RUNDC3B: variants seen among roughly 807,000 people sequenced by gnomAD.
The protein encoded by RUNDC3B is RUN domain containing 3B, also known as RUN domain-containing protein 3B.
A neutral mutation model predicts 58.4 loss-of-function variants in RUNDC3B; 33 were observed. The ratio of observed to expected loss-of-function variants is 0.56; its 90% CI spans 0.43 to 0.75. The LOEUF is 0.75. Ranked by LOEUF, RUNDC3B falls within the 30% of genes least tolerant of loss-of-function variation. The probability of loss-of-function intolerance (pLI) is 0.00; values close to 1 mark genes in which losing one functional copy is unlikely to be tolerated. For synonymous variants in RUNDC3B, 193 were observed against 195.2 expected, an observed-to-expected ratio of 0.99 and a Z score of 0.10; for missense variants, 501 against 535.7, an observed-to-expected ratio of 0.94 and a Z score of 0.64.
intron 10 of RUNDC3B, among the ~76,000 whole-genome samples, chr7:87,825,218 CA>C (rs201833466): frequency 6.7e-6 from 1 of 148,630 alleles, no homozygotes; most frequent in East Asian, 2.0e-4. Flanking sequence ...GACTCCATCT[CA>C]AAAAAAAAGA....
At chr7:87,629,997 T>A (rs1353983201) in intron 1 of RUNDC3B, among the ~76,000 whole-genome samples, 1 of 152,176 alleles carries the variant, frequency 6.6e-6, no homozygotes, top group East Asian at 1.9e-4. Context: ...TGATATATTT[T>A]CTTTAAGTCT....
intron 3 of RUNDC3B, among the ~76,000 whole-genome samples, chr7:87,702,142 CAAAAAA>C (rs146127516): frequency 1.0e-3 from 17 of 16,768 alleles, no homozygotes; most frequent in Admixed American, 2.1e-3. Context: ...GACTCTGTCT[CAAAAAA>C]AAAAAAAAAA....
intron 6 of RUNDC3B, among the ~76,000 whole-genome samples, chr7:87,767,901 C>T (rs1410820065): frequency 1.3e-5 from 2 of 152,120 alleles, no homozygotes; most frequent in Admixed American, 6.5e-5. Flanking sequence ...CTCTAGGCCA[C>T]AATGCAACTG....
At chr7:87,809,246 A>G (rs1196250165) in intron 9 of RUNDC3B, among the ~76,000 whole-genome samples, 1 of 152,092 alleles carries the variant, frequency 6.6e-6, no homozygotes, top group Non-Finnish European at 1.5e-5. Context: ...TATTCCACCA[A>G]CTTAAGAAGG....
At chr7:87,752,871 T>C (rs1248383550) in intron 6 of RUNDC3B, among the ~76,000 whole-genome samples, 18 of 151,514 alleles carry the variant, frequency 1.2e-4, no homozygotes, top group Admixed American at 1.1e-3. Context: ...GTGTCTCTAT[T>C]TCCTTCAGTT....
chr7:87,799,527 G>A (rs1836006823), intron 8 of RUNDC3B, among the ~76,000 whole-genome samples: 1 of 151,986 alleles, frequency 6.6e-6, no homozygotes, highest in South Asian at 2.1e-4. Context: ...GATTTTCTCA[G>A]TGTGCCGTGT....
chr7:87,646,265 A>T (rs1352315923), intron 1 of RUNDC3B, among the ~76,000 whole-genome samples: 1 of 152,192 alleles, frequency 6.6e-6, no homozygotes, highest in East Asian at 1.9e-4. Flanking sequence ...ATGAAAATAT[A>T]TGCACTAATA....
intron 6 of RUNDC3B, among the ~76,000 whole-genome samples, chr7:87,742,605 TAG>T (rs1832394601): frequency 6.6e-6 from 1 of 151,994 alleles, no homozygotes; most frequent in South Asian, 2.1e-4. Context: ...GATAGATAGA[TAG>T]ATAGATAGAT....
rs147260009 is a variant in RUNDC3B, at chr7:87,702,314, T to TG, written c.372+1761dup. Among the ~76,000 whole-genome samples, 362 of 152,148 alleles carry TG rather than the reference T, an allele frequency of 2.4e-3. 2 individuals are homozygous for TG. Among genetic ancestry groups the TG allele is most frequent in the African/African-American group, 8.3e-3 (343 of 41,462 alleles). On this transcript the variant is annotated intron_variant, in intron 3 of 10. Transcript: ENST00000394654. The stretch of plus-strand genomic sequence containing the variant: ...ATTTTTTAGGGACAGGGTCTTGCTC[T>TG]GTTGCCCAGGTTGGAGTACAGTGGT...
intron 8 of RUNDC3B, among the ~76,000 whole-genome samples, chr7:87,790,032 A>G (rs80158892): frequency 0.049 from 7,425 of 152,174 alleles, 271 homozygotes; most frequent in East Asian, 0.11. Context: ...TTGAGTGAAC[A>G]TAGGTGGTAG....
chr7:87,726,754 C>T (rs1338786508), intron 4 of RUNDC3B, among the ~76,000 whole-genome samples: 2 of 152,030 alleles, frequency 1.3e-5, no homozygotes, highest in Non-Finnish European at 1.5e-5. Context: ...TGTTTGTGTC[C>T]TCTTTTATTT....
intron 4 of RUNDC3B, among the ~76,000 whole-genome samples, chr7:87,736,289 A>G (rs1224653688): frequency 6.6e-6 from 1 of 152,180 alleles, no homozygotes; most frequent in African/African-American, 2.4e-5. Flanking sequence ...AAAATTTGAA[A>G]CATCACATTA....
At chr7:87,721,078 GAC>G (rs1830861440) in intron 4 of RUNDC3B, among the ~76,000 whole-genome samples, 1 of 150,834 alleles carries the variant, frequency 6.6e-6, no homozygotes, top group Non-Finnish European at 1.5e-5. Flanking sequence ...AATGTATGCA[GAC>G]ACAGAGTACT....
intron 6 of RUNDC3B, among the ~76,000 whole-genome samples, chr7:87,748,847 G>T (rs968243300): frequency 1.3e-5 from 2 of 152,184 alleles, no homozygotes; most frequent in Admixed American, 1.3e-4. Flanking sequence ...ATGACACCGT[G>T]ATTTCTAATT....
chr7:87,793,241 G>T (rs910649729), intron 8 of RUNDC3B, among the ~76,000 whole-genome samples: 3 of 152,040 alleles, frequency 2.0e-5, no homozygotes, highest in African/African-American at 7.2e-5. Flanking sequence ...GGACCCAATG[G>T]CTTCACTGCT....
intron 2 of RUNDC3B, among the ~76,000 whole-genome samples, chr7:87,681,983 A>G (rs1298443338): frequency 1.3e-5 from 2 of 152,228 alleles, no homozygotes; most frequent in Non-Finnish European, 2.9e-5. Context: ...AATACTCTCA[A>G]ACCCTGCCAC....
intron 2 of RUNDC3B, among the ~76,000 whole-genome samples, chr7:87,654,899 CAAAT>C: frequency 6.6e-6 from 1 of 152,158 alleles, no homozygotes; most frequent in East Asian, 1.9e-4. Context: ...TAGACATTCT[CAAAT>C]AAGACATTCA....
Position 87,807,466 on chromosome 7 carries a change from T to C in RUNDC3B, c.1050T>C (p.Asn350=), listed in dbSNP as rs1444717749. ...CTTCTCCAGGAGCTCTGGATGTCAA[T>C]GCTGTTGCCTTGGATACGTTGCTTT... The part of the protein sequence containing the change: ...QWPSPGALDV[N]AVALDTLLYR... The change falls in exon 9 of 11, where the codon AAT becomes AAC. Residue 350 remains asparagine, a synonymous_variant. Transcript: ENST00000394654. 6.2e-6 allele frequency: 10 copies of C among 1,613,408 alleles called. No homozygotes were observed. Among genetic ancestry groups the C allele is most frequent in the Non-Finnish European group, 7.6e-6 (9 of 1,179,476 alleles).
chr7:87,677,799 A>G (rs1291036264), intron 2 of RUNDC3B, among the ~76,000 whole-genome samples: 1 of 152,216 alleles, frequency 6.6e-6, no homozygotes, highest in Non-Finnish European at 1.5e-5. Flanking sequence ...AACCTGCCAG[A>G]GAAATATAAT....
Sources: gnomAD v4.1 joint callset for allele counts (sites outside exome capture counted in the v4.1 genomes callset) on GRCh38, gnomAD v4.1.1 for gene constraint, MANE v1.5 for transcripts, NCBI Gene and HGNC (gene_info 2026-07-23, HGNC 2026-07-21) for gene names.